Variants in ACAT1 observed in about 807,000 individuals in gnomAD.
ACAT1 encodes acetyl-CoA acetyltransferase 1, also known as acetyl-CoA acetyltransferase, mitochondrial.
In ACAT1, 28 loss-of-function variants were observed where a neutral mutation model predicts 47.3. The ratio of observed to expected loss-of-function variants is 0.59; its 90% CI spans 0.44 to 0.81. The LOEUF (loss-of-function observed/expected upper bound fraction) is 0.81, where lower values mean the gene tolerates loss of function less well. ACAT1 is among the 30% of genes least tolerant of loss of function. The probability of loss-of-function intolerance (pLI) is 0.00; values close to 1 mark genes in which losing one functional copy is unlikely to be tolerated. For missense variants in ACAT1, 469 were observed against 524.3 expected (o/e 0.89, Z 1.03); for synonymous variants, 181 against 173.6 (o/e 1.04, Z -0.34).
upstream of ACAT1, chr11:108,121,439 C>A (rs1330451173): frequency 1.6e-5 from 12 of 746,108 alleles, no homozygotes; most frequent in South Asian, 1.6e-4. Context: ...GGTGTCCCAG[C>A]GCCAGGCTCC....
intron 11 of ACAT1, 92 bp downstream of exon 11, chr11:108,146,451 A>C: frequency 1.4e-6 from 2 of 1,470,160 alleles, no homozygotes; most frequent in Non-Finnish European, 1.9e-6. Context: ...ATTGCTCTTA[A>C]GTTTTCCTTC....
intron 1 of ACAT1, chr11:108,127,782 G>A (rs1050933192): frequency 6.6e-6 from 1 of 152,296 alleles, no homozygotes; most frequent in African/African-American, 2.4e-5. Flanking sequence ...GGTTTCTGCA[G>A]TGGATTATAC....
In ACAT1 at chr11:108,135,233, T is replaced by C. The variant is rs2077447064; in HGVS notation, c.426T>C (p.Cys142=). ...AIMMASQSLM[C]GHQDVMVAGG... ...TGATGGCCTCTCAAAGTCTTATGTG[T>C]GGACATCAGGTAAGAAACACCGTCC... Residue 142 remains cysteine, a synonymous_variant, in exon 5 of 12, where the codon TGT becomes TGC. Transcript: ENST00000265838. The C allele has an allele frequency of 1.2e-6, 2 of 1,609,528 alleles. No homozygotes were observed. The highest frequency in any genetic ancestry group is 8.5e-7 in the Non-Finnish European group (1 of 1,175,896).
chr11:108,122,036 C>T (rs1006956685), intron 1 of ACAT1: 2 of 373,920 alleles, frequency 5.3e-6, no homozygotes, highest in Non-Finnish European at 9.8e-6. Context: ...TGTGCAGCTG[C>T]TCCCGAGATT....
chr11:108,117,383 C>A (rs1238736488), upstream of ACAT1, among the ~76,000 whole-genome samples: 1 of 151,540 alleles, frequency 6.6e-6, no homozygotes, highest in Non-Finnish European at 1.5e-5. Context: ...TCTCGACTCA[C>A]TGCAACCTCC....
chr11:108,147,226 A>G, intron 11 of ACAT1, 44 bp from the exon 12 acceptor site: 1 of 1,609,632 alleles, frequency 6.2e-7, no homozygotes, highest in East Asian at 2.2e-5. Context: ...GTTAGTCATA[A>G]ATTCTGTACT....
At chr11:108,129,915 T>C (rs1297048749) in intron 1 of ACAT1, among the ~76,000 whole-genome samples, 2 of 152,112 alleles carry the variant, frequency 1.3e-5, no homozygotes, top group African/African-American at 4.8e-5. Context: ...CCAGGAGTTC[T>C]GGTTTATTTT....
At chr11:108,145,343 C>T (rs2077683210) in intron 10 of ACAT1, among the ~76,000 whole-genome samples, 1 of 152,182 alleles carries the variant, frequency 6.6e-6, no homozygotes, top group African/African-American at 2.4e-5. Context: ...ATTAATATCA[C>T]TAATATTAGA....
chr11:108,134,188 A>G, intron 3 of ACAT1, 33 bp from the exon 4 acceptor site: 1 of 1,548,156 alleles, frequency 6.5e-7, no homozygotes, highest in Non-Finnish European at 8.9e-7. Context: ...ATTGAATTAA[A>G]TGCCTTTTTG....
upstream of ACAT1, among the ~76,000 whole-genome samples, chr11:108,119,753 T>C (rs2077117871): frequency 6.6e-6 from 1 of 152,088 alleles, no homozygotes; most frequent in Non-Finnish European, 1.5e-5. Flanking sequence ...ATGAAAAATA[T>C]TTGTCTTTGG....
At chr11:108,120,454 TC>T (rs2077127817), upstream of ACAT1, among the ~76,000 whole-genome samples, 1 of 151,652 alleles carries the variant, frequency 6.6e-6, no homozygotes, top group Admixed American at 6.6e-5. Context: ...GACAGGAGGA[TC>T]CCCTGAGACC....
At chr11:108,143,907 A>G in intron 9 of ACAT1, 76 bp from the exon 10 acceptor site, 1 of 1,557,778 alleles carries the variant, frequency 6.4e-7, no homozygotes, top group Non-Finnish European at 8.8e-7. Flanking sequence ...TTAATGGGCT[A>G]AACTTGGCTT....
intron 8 of ACAT1, among the ~76,000 whole-genome samples, chr11:108,141,903 T>C (rs1052516152): frequency 6.6e-6 from 1 of 152,218 alleles, no homozygotes; most frequent in African/African-American, 2.4e-5. Context: ...ATAACATGAC[T>C]ATAGAATTCA....
rs1337885330 is a variant in ACAT1 at position 108,121,636 on chromosome 11, C to T, written c.30C>T (p.Ser10=). MAVLAALLR[S]GARSRSPLLR... ...CTGTGCTGGCGGCACTTCTGCGCAG[C>T]GGCGCCCGCAGCCGCAGCCCCCTGC... Residue 10 remains serine (S), a synonymous_variant, in exon 1 of 12, where the codon AGC becomes AGT. Coordinates refer to ENST00000265838, the MANE Select transcript of ACAT1 (RefSeq NM_000019.4). The T allele has an allele frequency of 1.9e-6, 3 of 1,550,698 alleles. No homozygotes were observed. The South Asian group carries it at 3.6e-5, about 18-fold the overall frequency.
intron 5 of ACAT1, chr11:108,136,515 T>C (rs2077472154): frequency 6.2e-6 from 1 of 160,882 alleles, no homozygotes; most frequent in African/African-American, 2.4e-5. Flanking sequence ...CTGTTTGTCA[T>C]GGAAAGTTTT....
chr11:108,130,086 T>C (rs1295672946), intron 1 of ACAT1, among the ~76,000 whole-genome samples: 1 of 152,216 alleles, frequency 6.6e-6, no homozygotes, highest in Non-Finnish European at 1.5e-5. Flanking sequence ...CTTTTGCTTC[T>C]CAGTGTATTC....
chr11:108,124,648 T>C (rs1305166230), intron 1 of ACAT1, among the ~76,000 whole-genome samples: 1 of 152,132 alleles, frequency 6.6e-6, no homozygotes, highest in Non-Finnish European at 1.5e-5. Context: ...TTTTATAACA[T>C]AAAAGCTTTC....
At chr11:108,119,406 G>A (rs2077112048), upstream of ACAT1, among the ~76,000 whole-genome samples, 1 of 152,038 alleles carries the variant, frequency 6.6e-6, no homozygotes, top group Non-Finnish European at 1.5e-5. Flanking sequence ...GTTTTGCTAT[G>A]TTGGCCAGGC....
At chr11:108,138,483 G>T (rs1275467593) in intron 5 of ACAT1, among the ~76,000 whole-genome samples, 3 of 151,244 alleles carry the variant, frequency 2.0e-5, no homozygotes, top group Admixed American at 6.6e-5. Flanking sequence ...AGCAACCTCT[G>T]CCTCCCAGGT....
Sources: allele counts gnomAD v4.1 joint callset (sites outside exome capture counted in the v4.1 genomes callset), GRCh38; gene constraint gnomAD v4.1.1; transcripts MANE v1.5; gene names NCBI Gene and HGNC (gene_info 2026-07-23, HGNC 2026-07-21).